PIGR: variants seen among roughly 807,000 people sequenced by gnomAD.
PIGR encodes the protein hepatocellular carcinoma associated protein TB6.
In PIGR, 22 loss-of-function variants were observed where a neutral mutation model predicts 69.5. That is an observed-to-expected ratio of 0.32 (90% confidence interval 0.23 to 0.45). PIGR has a LOEUF of 0.45. PIGR is among the 20% of genes least tolerant of loss of function. The probability of loss-of-function intolerance (pLI) is 1.00; values close to 1 mark genes in which losing one functional copy is unlikely to be tolerated. For missense variants in PIGR, 885 were observed against 974.0 expected (o/e 0.91, Z 1.22); for synonymous variants, 413 against 407.6 (o/e 1.01, Z -0.16).
chr1:206,931,365 G>T, intron 10 of PIGR, 132 bp downstream of exon 10: 1 of 1,585,896 alleles, frequency 6.3e-7, no homozygotes. Context: ...GAGGACTCCT[G>T]AGGACTATTT....
Position 206,937,206 on chromosome 1 carries a change from T to A in PIGR, c.934A>T (p.Ile312Phe). 1 of 1,614,184 alleles carries A rather than the reference T, an allele frequency of 6.2e-7. No homozygotes were observed. The highest frequency in any genetic ancestry group is 1.1e-5 in the South Asian group (1 of 91,088). ...QDKDGSFSVVITGLRKEDAGR... is the reference protein window; with the variant it reads ...QDKDGSFSVVFTGLRKEDAGR... Reference sequence around the variant, plus strand: ...GCATCCTCCTTCCTCAGGCCTGTGATCACCACACTGAATGAGCCATCCTTG... The same window carrying A: ...GCATCCTCCTTCCTCAGGCCTGTGAACACCACACTGAATGAGCCATCCTTG... Residue 312 changes from isoleucine to phenylalanine, a missense_variant, in exon 4 of 11, where the codon ATC becomes TTC. By Grantham distance (21) the Ile-to-Phe change is conservative (BLOSUM62 0). Transcript: ENST00000356495.
At position 206,940,504 on chromosome 1, in the gene PIGR, G is replaced by C. The variant is rs1679959988; in HGVS notation, c.28C>G (p.Leu10Val). Residue 10 changes from leucine to valine, a missense_variant, in exon 2 of 11, where the codon CTG (leucine) becomes GTG (valine). By Grantham distance (32) the Leu-to-Val change is conservative. Transcript: ENST00000356495. ...GCAGACACACCTGGGAAGACCGCCA[G>C]CAGGCAGGTGAGCACGAAGAGCAGC... Reference protein sequence around the residue: MLLFVLTCLLAVFPAISTKS... With the variant: MLLFVLTCLVAVFPAISTKS... The C allele has an allele frequency of 6.4e-7, 1 of 1,551,536 alleles. No individual in the cohort carries two copies. Among genetic ancestry groups the C allele is most frequent in the Non-Finnish European group, 8.7e-7 (1 of 1,146,944 alleles).
At position 206,945,010 on chromosome 1, in the gene PIGR, G is replaced by A. The variant is rs531158510; in HGVS notation, c.-54+1326C>T. On this transcript the variant is annotated intron_variant, in intron 1 of 10. Transcript: ENST00000356495. ...GGGCAAGTGGGTTTACTAAATGGAA[G>A]CCTGTGTGACCCCATTTTTTATCAC... is the stretch of plus-strand genomic sequence containing the variant. Among the ~76,000 whole-genome samples the A allele has an allele frequency of 9.2e-5, 14 of 152,318 alleles. No homozygotes were observed. The South Asian group carries it at 1.2e-3, about 14-fold the overall frequency.
chr1:206,931,267 C>G (rs1679741435), intron 10 of PIGR: 1 of 985,316 alleles, frequency 1.0e-6, no homozygotes, highest in Non-Finnish European at 1.2e-6. Context: ...AGTTTTACAG[C>G]CTAATCATAT....
chr1:206,932,364 G>T, intron 8 of PIGR, 92 bp downstream of exon 8: 1 of 1,391,812 alleles, frequency 7.2e-7, no homozygotes, highest in Non-Finnish European at 9.6e-7. Context: ...TCATGAAAAA[G>T]AAGAGACACA....
chr1:206,944,200 C>T (rs1444867698), intron 1 of PIGR, among the ~76,000 whole-genome samples: 3 of 152,176 alleles, frequency 2.0e-5, no homozygotes, highest in Admixed American at 1.3e-4. Flanking sequence ...TGGGGCCGGG[C>T]GTAGTGGCTC....
chr1:206,944,753 AT>A (rs960926274), intron 1 of PIGR, among the ~76,000 whole-genome samples: 9 of 151,424 alleles, frequency 5.9e-5, no homozygotes, highest in South Asian at 2.1e-4. Context: ...ATGCATAGGT[AT>A]TTTTTTTTAA....
At chr1:206,931,422 C>A in intron 10 of PIGR, 75 bp downstream of exon 10, 1 of 1,613,102 alleles carries the variant, frequency 6.2e-7, no homozygotes, top group Non-Finnish European at 8.5e-7. Context: ...TGAGGTAGTT[C>A]TTTCTGAAGT....
intron 1 of PIGR, among the ~76,000 whole-genome samples, chr1:206,942,908 A>G (rs1680016442): frequency 6.6e-6 from 1 of 152,234 alleles, no homozygotes; most frequent in South Asian, 2.1e-4. Flanking sequence ...GATTGGCAGG[A>G]GAGGATACCC....
chr1:206,942,866 C>T (rs1430291009), intron 1 of PIGR, among the ~76,000 whole-genome samples: 3 of 152,188 alleles, frequency 2.0e-5, no homozygotes, highest in Non-Finnish European at 2.9e-5. Flanking sequence ...GCAACATCAG[C>T]GGGATGCACA....
intron 3 of PIGR, 122 bp downstream of exon 3, chr1:206,938,997 T>C: frequency 1.3e-6 from 1 of 782,510 alleles, no homozygotes; most frequent in Non-Finnish European, 2.1e-6. Flanking sequence ...GGGAAAGGGG[T>C]GCCTTCTGAC....
At chr1:206,944,509 G>C (rs1288105525) in intron 1 of PIGR, among the ~76,000 whole-genome samples, 1 of 152,114 alleles carries the variant, frequency 6.6e-6, no homozygotes. Flanking sequence ...GAGACACCTG[G>C]ACCCAGAGGT....
intron 3 of PIGR, 112 bp downstream of exon 3, chr1:206,939,007 C>T (rs768145036): frequency 3.0e-5 from 28 of 944,128 alleles, no homozygotes; most frequent in Non-Finnish European, 3.8e-5. Context: ...TGCCTTCTGA[C>T]CCCCAACCCG....
chr1:206,934,754 AG>A lies in PIGR; in HGVS notation c.1379-9del. On this transcript the variant is annotated splice_polypyrimidine_tract_variant and intron_variant, in intron 5 of 10. Transcript: ENST00000356495. Reference sequence around the variant, plus strand: ...CCTTGAGGTTTGGTTCTCCTGGAGGAGGGAGGGAGGTAGAAATAAACACAGA... The same window carrying A: ...CCTTGAGGTTTGGTTCTCCTGGAGGAGGAGGGAGGTAGAAATAAACACAGA... The A allele has an allele frequency of 6.3e-7, 1 of 1,591,206 alleles. No individual in the cohort carries two copies. Among genetic ancestry groups the A allele is most frequent in the Non-Finnish European group, 8.5e-7 (1 of 1,170,142 alleles).
At chr1:206,943,101 C>T (rs577211893) in intron 1 of PIGR, among the ~76,000 whole-genome samples, 1 of 152,308 alleles carries the variant, frequency 6.6e-6, no homozygotes, top group Non-Finnish European at 1.5e-5. Context: ...CCCAGGGTGG[C>T]TGGGGCTGGA....
rs764503049 is a variant in PIGR at position 206,935,600 on chromosome 1, C to T, written c.1264G>A (p.Gly422Ser). The change falls in exon 5 of 11, where the codon GGC becomes AGC. Residue 422 changes from glycine (G) to serine (S), a missense_variant. Transcript: ENST00000356495. This position sits in a 1 kb window ranked among gnomAD's most constrained non-coding sequence, Gnocchi z 4.4. ...RLSLLEEPGN[G>S]TFTVILNQLT... ...TGGTTGAGGATGACAGTGAAGGTGC[C>T]GTTGCCTGGCTCCTCCAGCAGGGAG... 5 of 1,614,216 alleles carry T rather than the reference C, an allele frequency of 3.1e-6. No homozygotes were observed. Among genetic ancestry groups the T allele is most frequent in the Admixed American group, 1.7e-5 (1 of 60,030 alleles).
chr1:206,932,931 C>T (rs1057368334), intron 7 of PIGR, 55 bp downstream of exon 7: 13 of 1,573,108 alleles, frequency 8.3e-6, no homozygotes, highest in Non-Finnish European at 1.1e-5. Flanking sequence ...GGCCCAGCCT[C>T]AGGTGCTCGG....
Position 206,935,911 on chromosome 1 carries a change from G to T in PIGR, c.1046-93C>A, listed in dbSNP as rs1679854667. The T allele has an allele frequency of 1.1e-5, 10 of 895,442 alleles. No homozygotes were observed. Among genetic ancestry groups the T allele is most frequent in the Non-Finnish European group, 1.5e-5 (9 of 580,780 alleles). The allele number at this position is 895,442 out of a possible 1,614,324, so 55.5% of individuals were successfully genotyped here. A position where few individuals can be genotyped will look rare whatever the true frequency, so the allele number is the denominator to read the frequency against. Reference sequence around the variant, plus strand: ...GCCTTCTTCCCGGGGTCTCAGCCAGGATGGGGAGTGAAGTTTACACGCATC... The same window carrying T: ...GCCTTCTTCCCGGGGTCTCAGCCAGTATGGGGAGTGAAGTTTACACGCATC... On this transcript the variant is annotated intron_variant, in intron 4 of 10. Coordinates refer to ENST00000356495, the MANE Select transcript of PIGR (RefSeq NM_002644.4). The surrounding 1 kb of genome is among the most constrained non-coding windows in gnomAD (Gnocchi z 4.4).
chr1:206,942,206 A>G (rs78096152), intron 1 of PIGR, among the ~76,000 whole-genome samples: 2,130 of 152,324 alleles, frequency 0.014, 53 homozygotes, highest in African/African-American at 0.047. Flanking sequence ...GAGTCCGGTT[A>G]ATTGCCCCAG....
Sources: gnomAD v4.1 joint callset for allele counts (sites outside exome capture counted in the v4.1 genomes callset) on GRCh38, gnomAD v4.1.1 for gene constraint, Gnocchi (gnomAD v3.1) non-coding constraint, MANE v1.5 for transcripts, NCBI Gene and HGNC (gene_info 2026-07-23, HGNC 2026-07-21) for gene names.